The following LY9 variants were observed in gnomAD, a reference collection of about 807,000 sequenced individuals.
LY9 encodes lymphocyte antigen 9.
In LY9, 59 loss-of-function variants were observed where a neutral mutation model predicts 64.6. That is an observed-to-expected ratio of 0.91 (90% CI 0.74 to 1.13). The LOEUF (loss-of-function observed/expected upper bound fraction) is 1.13, where lower values mean the gene tolerates loss of function less well. Among genes scored for constraint, LY9 ranks in the 50% most tolerant of loss-of-function variants. LY9 has a pLI of 0.00. For missense variants in LY9, 789 were observed against 797.2 expected, an observed-to-expected ratio of 0.99 and a Z score of 0.12; for synonymous variants, 281 against 308.5, an observed-to-expected ratio of 0.91 and a Z score of 0.93.
intron 4 of LY9, among the ~76,000 whole-genome samples, 195 bp from the exon 5 acceptor site, chr1:160,816,399 G>A (rs1667946526): frequency 1.3e-5 from 2 of 152,192 alleles, no homozygotes; most frequent in African/African-American, 2.4e-5. Context: ...GCATCAAGAG[G>A]CAAAGAGGTG....
intron 1 of LY9, among the ~76,000 whole-genome samples, chr1:160,797,560 C>T (rs1355543255): frequency 6.6e-6 from 1 of 152,170 alleles, no homozygotes; most frequent in East Asian, 1.9e-4. Context: ...ATGATCAATG[C>T]AGTGAATTTC....
At chr1:160,809,371 T>TACC (rs1341468472) in intron 2 of LY9, among the ~76,000 whole-genome samples, 1 of 150,862 alleles carries the variant, frequency 6.6e-6, no homozygotes, top group African/African-American at 2.4e-5. Context: ...TTACTACTAC[T>TACC]ATTACCAGTA....
At position 160,824,616 on chromosome 1, in the gene LY9, A is replaced by G. The variant is rs547277151; in HGVS notation, c.1899+367A>G. ...TTCTCAAAACCATTGAAAATTAGCTAACAATTTAACAACAAGAATTTTTGG... is the reference window on the plus strand; with the variant it reads ...TTCTCAAAACCATTGAAAATTAGCTGACAATTTAACAACAAGAATTTTTGG... On this transcript the variant is annotated intron_variant, in intron 9 of 9. Coordinates refer to ENST00000263285, the MANE Select transcript of LY9 (RefSeq NM_002348.4). 2.8e-5 allele frequency: 28 copies of G among 982,930 alleles called. 1 individual carries two copies. In the South Asian group the frequency reaches 1.2e-3, roughly 41 times the overall value. The allele number at this position is 982,930 out of a possible 1,614,324, so 60.9% of individuals were successfully genotyped here. A position where few individuals can be genotyped will look rare whatever the true frequency, so the allele number is the denominator to read the frequency against.
At chr1:160,796,613 G>A (rs748288127) in intron 1 of LY9, among the ~76,000 whole-genome samples, 2 of 152,000 alleles carry the variant, frequency 1.3e-5, no homozygotes, top group South Asian at 2.1e-4. Flanking sequence ...CGGTGGTCTC[G>A]ATCTCTTGAC....
At chr1:160,798,019 T>C (rs947356795) in intron 1 of LY9, among the ~76,000 whole-genome samples, 4 of 152,148 alleles carry the variant, frequency 2.6e-5, no homozygotes, top group Admixed American at 2.0e-4. Context: ...TGCTCTTTTA[T>C]TATTTGTCCT....
chr1:160,816,997 T>A (rs987528153), intron 5 of LY9, 134 bp downstream of exon 5: 1 of 751,296 alleles, frequency 1.3e-6, no homozygotes, highest in Non-Finnish European at 2.2e-6. Context: ...CTTCCACAGA[T>A]ATATGAGAGT....
At position 160,818,313 on chromosome 1, in the gene LY9, G is replaced by C. The variant is rs758303271; in HGVS notation, c.1438G>C (p.Gly480Arg). Residue 480 changes from glycine (G) to arginine (R), a missense_variant, in exon 6 of 10, where the codon GGA becomes CGA. By Grantham distance (125) the Gly-to-Arg change is moderately radical (BLOSUM62 -2). Transcript: ENST00000263285. ...CAGCTGGTGCATTTGGAAGCGAAAA[G>C]GACGGTGTGAGTTTCCGAGATCAAT... ...IFSWCIWKRK[G>R]RCSVPAFCSS... The C allele has an allele frequency of 1.2e-5, 20 of 1,613,528 alleles. No individual in the cohort carries two copies. Among genetic ancestry groups the C allele is most frequent in the Middle Eastern group, 1.7e-4 (1 of 6,056 alleles).
chr1:160,814,758 T>TGGGC lies in LY9; in HGVS notation c.1069_1070insGGGC (p.Tyr357TrpfsTer18), dbSNP rs1167274254. ...CATGACACATGTCACCCTGCTCATC[T>TGGGC]ACCGTGAGTCTCTGGGCAGGGCACC... On this transcript the variant is annotated frameshift_variant, in exon 4 of 10. Transcript: ENST00000263285. LOFTEE classifies it high-confidence loss of function. The TGGGC allele has an allele frequency of 4.3e-6, 7 of 1,611,066 alleles. No individual in the cohort carries two copies. The East Asian group carries it at 1.6e-4, about 36-fold the overall frequency.
intron 1 of LY9, 79 bp downstream of exon 1, chr1:160,796,390 T>TA: frequency 7.4e-7 from 1 of 1,357,760 alleles, no homozygotes; most frequent in Non-Finnish European, 9.6e-7. Context: ...TGGGAGATTC[T>TA]TTTTTTTGTT....
At chr1:160,819,963 T>C (rs1048497566) in intron 7 of LY9, among the ~76,000 whole-genome samples, 2 of 151,768 alleles carry the variant, frequency 1.3e-5, no homozygotes, top group Non-Finnish European at 2.9e-5. Flanking sequence ...CCTACTGAAG[T>C]TTGAAAAGGA....
At position 160,800,445 on chromosome 1, in the gene LY9, C is replaced by A. The variant is rs531744712; in HGVS notation, c.454+363C>A. Among the ~76,000 whole-genome samples the A allele has an allele frequency of 6.6e-5, 10 of 152,212 alleles. 1 individual carries two copies. In the South Asian group the frequency reaches 2.1e-3, roughly 32 times the overall value. ...GTACCAACATATAAGTGAGAACATGCGATATGTGTCTTTTTGTGCCTAGCT... is the reference window on the plus strand; with the variant it reads ...GTACCAACATATAAGTGAGAACATGAGATATGTGTCTTTTTGTGCCTAGCT... On this transcript the variant is annotated intron_variant, in intron 2 of 9. Transcript: ENST00000263285.
intron 2 of LY9, among the ~76,000 whole-genome samples, chr1:160,808,135 C>A (rs1045397008): frequency 6.6e-6 from 1 of 152,184 alleles, no homozygotes; most frequent in Non-Finnish European, 1.5e-5. Context: ...GCTGCAGGAG[C>A]TTTTGCCCAG....
intron 2 of LY9, among the ~76,000 whole-genome samples, chr1:160,808,180 A>G (rs1319777382): frequency 6.6e-6 from 1 of 152,164 alleles, no homozygotes; most frequent in Non-Finnish European, 1.5e-5. Context: ...CTCACAGCCC[A>G]CTACTTTACC....
intron 2 of LY9, among the ~76,000 whole-genome samples, chr1:160,804,854 A>C (rs888805109): frequency 2.6e-5 from 4 of 152,014 alleles, no homozygotes; most frequent in Admixed American, 6.5e-5. Flanking sequence ...CATTTTCTCT[A>C]GGCTTTTCAG....
At chr1:160,814,252 G>A (rs556577568) in intron 3 of LY9, among the ~76,000 whole-genome samples, 168 bp from the exon 4 acceptor site, 1 of 152,314 alleles carries the variant, frequency 6.6e-6, no homozygotes, top group African/African-American at 2.4e-5. Context: ...ACAGCCCAGT[G>A]GAACAGGTGG....
intron 1 of LY9, among the ~76,000 whole-genome samples, chr1:160,797,798 T>C (rs1001327563): frequency 4.6e-5 from 7 of 152,262 alleles, no homozygotes; most frequent in South Asian, 2.1e-4. Context: ...CCTCTATTTC[T>C]TAAGTGTAAA....
In LY9 at chr1:160,814,475, A is replaced by G. The variant is rs772481771; in HGVS notation, c.786A>G (p.Gly262=). The G allele has an allele frequency of 6.2e-7, 1 of 1,613,916 alleles. No individual in the cohort carries two copies. The highest frequency in any genetic ancestry group is 8.5e-7 in the Non-Finnish European group (1 of 1,179,988). The change falls in exon 4 of 10, where the codon GGA becomes GGG. Residue 262 remains glycine, a synonymous_variant. Coordinates refer to ENST00000263285, the MANE Select transcript of LY9 (RefSeq NM_002348.4). ...TTGETVVGVL[G]EPVTLPLALP... is the part of the protein sequence containing the mutation. ...GGGAGACTGTGGTAGGGGTCCTGGG[A>G]GAGCCAGTCACCCTGCCACTTGCAC... is the stretch of plus-strand genomic sequence containing the variant.
Position 160,819,382 on chromosome 1 carries a change from C to T in LY9, c.1498+8C>T, listed in dbSNP as rs374960586. 2.2e-5 allele frequency: 35 copies of T among 1,610,860 alleles called. 1 individual carries two copies. The highest frequency in any genetic ancestry group is 2.8e-5 in the Non-Finnish European group (33 of 1,177,282). The stretch of plus-strand genomic sequence containing the variant: ...CCCCAGCGGATACACCAGGTAACAT[C>T]ACCCATGACACAGGCTATGGGGTAT... On this transcript the variant is annotated splice_region_variant and intron_variant, in intron 7 of 9. Transcript: ENST00000263285.
intron 5 of LY9, among the ~76,000 whole-genome samples, chr1:160,817,428 G>A (rs1557811070): frequency 6.6e-6 from 1 of 152,162 alleles, no homozygotes; most frequent in Non-Finnish European, 1.5e-5. Context: ...CACTTCAAGG[G>A]CTTATGCATA....
Sources: allele counts gnomAD v4.1 joint callset (sites outside exome capture counted in the v4.1 genomes callset), GRCh38; gene constraint gnomAD v4.1.1; transcripts MANE v1.5; gene names NCBI Gene and HGNC (gene_info 2026-07-23, HGNC 2026-07-21).